RUNX2: variants seen among roughly 807,000 people sequenced by gnomAD.
RUNX2 encodes RUNX family transcription factor 2.
A neutral mutation model predicts 51.7 loss-of-function variants in RUNX2; 10 were observed. The observed-to-expected ratio is 0.19, with a 90% confidence interval of 0.12 to 0.33. The LOEUF is 0.33. Ranked by LOEUF, RUNX2 falls within the 10% of genes least tolerant of loss-of-function variation. The probability of loss-of-function intolerance (pLI) is 1.00; values close to 1 mark genes in which losing one functional copy is unlikely to be tolerated. For synonymous variants in RUNX2, 276 were observed against 273.6 expected (o/e 1.01, Z -0.09); for missense variants, 562 against 691.3 (o/e 0.81, Z 2.10).
intron 1 of RUNX2, 78 bp from the exon 2 acceptor site, chr6:45,328,583 A>C (rs998381776): frequency 8.2e-6 from 13 of 1,582,814 alleles, no homozygotes; most frequent in Admixed American, 1.9e-5. Context: ...CTTGACAGAA[A>C]AAAATAAATA....
intron 2 of RUNX2, among the ~76,000 whole-genome samples, chr6:45,336,276 T>A (rs1381812429): frequency 1.3e-5 from 2 of 151,460 alleles, no homozygotes; most frequent in African/African-American, 4.8e-5. Flanking sequence ...GAAAGCTTTA[T>A]TCTTGATTAT....
At chr6:45,442,559 G>A (rs1798871994) in intron 5 of RUNX2, among the ~76,000 whole-genome samples, 1 of 152,168 alleles carries the variant, frequency 6.6e-6, no homozygotes, top group South Asian at 2.1e-4. Context: ...GAGGACTGAT[G>A]GGAGAAGGTA....
In RUNX2 at chr6:45,515,692, A is replaced by G. The variant is rs117593284; in HGVS notation, c.1021+3285A>G. ...AGTACCTAGCACATAGAACTCCTCA[A>G]ATGTTTCCCATTATTATTATTATTC... On this transcript the variant is annotated intron_variant, in intron 7 of 8. Coordinates refer to ENST00000647337, the MANE Select transcript of RUNX2 (RefSeq NM_001024630.4). 6.0e-4 allele frequency among the ~76,000 whole-genome samples: 92 copies of G among 152,308 alleles called. 1 individual carries two copies. The East Asian group carries it at 0.017, about 28-fold the overall frequency.
chr6:45,368,877 T>C lies in RUNX2; in HGVS notation c.58+40093T>C, dbSNP rs137947399. On this transcript the variant is annotated intron_variant, in intron 2 of 8. Transcript: ENST00000647337. ...AAATTCCAAAGGCAGGAAACAATTA[T>C]GGTTAAGCCAACACTATTATGCACT... is the stretch of plus-strand genomic sequence containing the variant. Among the ~76,000 whole-genome samples, 324 of 152,238 alleles carry C rather than the reference T, an allele frequency of 2.1e-3. 1 individual carries two copies. Among genetic ancestry groups the C allele is most frequent in the African/African-American group, 7.5e-3 (310 of 41,568 alleles).
intron 5 of RUNX2, among the ~76,000 whole-genome samples, chr6:45,473,607 C>A (rs1799869973): frequency 6.6e-6 from 1 of 152,156 alleles, no homozygotes; most frequent in South Asian, 2.1e-4. Flanking sequence ...GGCTTAATGT[C>A]TCTTTGAAGG....
In RUNX2 at chr6:45,438,032, T is replaced by C. The variant is rs1328187808; in HGVS notation, c.666T>C (p.Asp222=). The change falls in exon 5 of 9, where the codon GAT becomes GAC. Residue 222 remains aspartate (D), a synonymous_variant. Coordinates refer to ENST00000647337, the MANE Select transcript of RUNX2 (RefSeq NM_001024630.4). Reference sequence around the variant, plus strand: ...ACAGAGCAATTAAAGTTACAGTAGATGGACCTCGGGAACCCAGAAGTAAGT... The same window carrying C: ...ACAGAGCAATTAAAGTTACAGTAGACGGACCTCGGGAACCCAGAAGTAAGT... ...TYHRAIKVTV[D]GPREPRRHRQ... 6.2e-7 allele frequency: 1 copy of C among 1,610,590 alleles called. No individual in the cohort carries two copies. Among genetic ancestry groups the C allele is most frequent in the South Asian group, 1.1e-5 (1 of 91,030 alleles).
chr6:45,544,318 T>C (rs1026607422), intron 7 of RUNX2, among the ~76,000 whole-genome samples: 12 of 152,188 alleles, frequency 7.9e-5, no homozygotes, highest in African/African-American at 2.9e-4. Flanking sequence ...ACAGTGATCC[T>C]GGCATGTGAT....
At chr6:45,441,764 G>C (rs1563088557) in intron 5 of RUNX2, among the ~76,000 whole-genome samples, 1 of 152,162 alleles carries the variant, frequency 6.6e-6, no homozygotes, top group Non-Finnish European at 1.5e-5. Context: ...TGCTCCTCAG[G>C]GAAAGCTGTG....
At chr6:45,448,872 A>G (rs1053496879) in intron 5 of RUNX2, among the ~76,000 whole-genome samples, 4 of 152,284 alleles carry the variant, frequency 2.6e-5, no homozygotes, top group African/African-American at 9.6e-5. Context: ...GAGATGATGA[A>G]GGTACCAAAT....
At position 45,381,201 on chromosome 6, in the gene RUNX2, C is replaced by G. The variant is rs1409686222; in HGVS notation, c.59-41392C>G. On this transcript the variant is annotated intron_variant, in intron 2 of 8. Transcript: ENST00000647337. Reference sequence around the variant, plus strand: ...TATGTTTAGAGCAAGTTGTTCTGACCAAAAAGATTACTCAGCCCGGTAGTA... The same window carrying G: ...TATGTTTAGAGCAAGTTGTTCTGACGAAAAAGATTACTCAGCCCGGTAGTA... Among the ~76,000 whole-genome samples the G allele has an allele frequency of 2.6e-5, 4 of 152,044 alleles. No individual in the cohort carries two copies. The East Asian group carries it at 7.7e-4, about 29-fold the overall frequency.
intron 5 of RUNX2, among the ~76,000 whole-genome samples, chr6:45,444,355 TG>T (rs1373386105): frequency 2.0e-4 from 31 of 152,336 alleles, no homozygotes; most frequent in African/African-American, 5.8e-4. Context: ...CATTCACCAC[TG>T]ATCAGCCAGC....
At chr6:45,342,632 G>C (rs1790031555) in intron 2 of RUNX2, among the ~76,000 whole-genome samples, 1 of 151,816 alleles carries the variant, frequency 6.6e-6, no homozygotes, top group African/African-American at 2.4e-5. Context: ...CATAATATAA[G>C]GTTTACACAG....
chr6:45,484,550 A>C (rs1800211785), intron 5 of RUNX2, among the ~76,000 whole-genome samples: 1 of 152,184 alleles, frequency 6.6e-6, no homozygotes, highest in East Asian at 1.9e-4. Flanking sequence ...AGAAAATCAA[A>C]GTTTTTAAAT....
intron 5 of RUNX2, among the ~76,000 whole-genome samples, chr6:45,461,256 T>C (rs1377791767): frequency 1.3e-5 from 2 of 152,152 alleles, no homozygotes; most frequent in Admixed American, 6.5e-5. Context: ...CCCAACAAGA[T>C]AGTTGAAGGG....
intron 2 of RUNX2, among the ~76,000 whole-genome samples, chr6:45,393,454 G>A (rs1448583373): frequency 5.3e-5 from 8 of 151,622 alleles, no homozygotes; most frequent in Admixed American, 2.0e-4. Context: ...TCCTGGAAAC[G>A]GAGTCTCGCT....
chr6:45,530,679 G>A (rs889327091), intron 7 of RUNX2, among the ~76,000 whole-genome samples: 1 of 152,202 alleles, frequency 6.6e-6, no homozygotes, highest in Non-Finnish European at 1.5e-5. Flanking sequence ...GAAGGAGGAG[G>A]CATCTTAGGA....
chr6:45,423,042 C>G (rs1798267269), intron 3 of RUNX2, 85 bp downstream of exon 3: 3 of 1,538,178 alleles, frequency 2.0e-6, no homozygotes, highest in African/African-American at 1.4e-5. Flanking sequence ...GGCTGGGCCC[C>G]GGACGTCCTC....
chr6:45,542,792 T>A (rs774092957), intron 7 of RUNX2, among the ~76,000 whole-genome samples: 21 of 152,232 alleles, frequency 1.4e-4, no homozygotes, highest in Non-Finnish European at 2.9e-4. Context: ...ACCAAATTCC[T>A]TAAGGGTAAC....
intron 8 of RUNX2, 90 bp from the exon 9 acceptor site, chr6:45,546,737 G>A: frequency 8.4e-7 from 1 of 1,192,528 alleles, no homozygotes; most frequent in South Asian, 1.3e-5. Flanking sequence ...GAAAGCTAAA[G>A]TTTTCTCTTT....
Sources: allele counts gnomAD v4.1 joint callset (sites outside exome capture counted in the v4.1 genomes callset), GRCh38; gene constraint gnomAD v4.1.1; transcripts MANE v1.5; gene names NCBI Gene and HGNC (gene_info 2026-07-23, HGNC 2026-07-21).